Variants in CMIP observed in about 807,000 individuals in gnomAD.
The protein encoded by CMIP is C-Maf-inducing protein.
In CMIP, 13 loss-of-function variants were observed where a neutral mutation model predicts 97.3. The observed-to-expected ratio is 0.13, with a 90% CI of 0.09 to 0.21. The LOEUF (loss-of-function observed/expected upper bound fraction) is 0.21, where lower values mean the gene tolerates loss of function less well. CMIP is among the 10% of genes least tolerant of loss of function. CMIP has a pLI of 1.00. For missense variants in CMIP, 847 were observed against 1,024.9 expected (o/e 0.83, Z 2.37); for synonymous variants, 538 against 436.3 (o/e 1.23, Z -2.91).
At chr16:81,472,045 T>C (rs1274474192) in intron 1 of CMIP, among the ~76,000 whole-genome samples, 1 of 152,220 alleles carries the variant, frequency 6.6e-6, no homozygotes, top group Non-Finnish European at 1.5e-5. Context: ...GACATGTACA[T>C]GCATATGCAC....
At chr16:81,697,067 C>T (rs1906816559) in intron 14 of CMIP, 1 of 228,362 alleles carries the variant, frequency 4.4e-6, no homozygotes, top group Non-Finnish European at 8.7e-6. Flanking sequence ...GAAGGCACTG[C>T]AGGTCCACCA....
intron 3 of CMIP, chr16:81,645,261 T>G (rs1488714379): frequency 2.7e-6 from 2 of 727,922 alleles, no homozygotes; most frequent in Non-Finnish European, 3.8e-6. Flanking sequence ...TGGCTCATAT[T>G]TCCCTGTGGG....
Position 81,616,520 on chromosome 16 carries a change from G to A in CMIP, c.427-4356G>A, listed in dbSNP as rs142837842. ...GCACCCGTGGTCTGTGGTTGGTAGT[G>A]ACATGCGTCATCGCACTTAGTTCGC... On this transcript the variant is annotated intron_variant, in intron 2 of 20. Transcript: ENST00000537098. This position sits in a 1 kb window ranked among gnomAD's most constrained non-coding sequence, Gnocchi z 4.7. Among the ~76,000 whole-genome samples the A allele has an allele frequency of 1.9e-4, 29 of 152,360 alleles. No individual in the cohort carries two copies. The East Asian group carries it at 5.6e-3, about 29-fold the overall frequency.
At chr16:81,600,939 C>G (rs1055431387) in intron 1 of CMIP, among the ~76,000 whole-genome samples, 1 of 152,160 alleles carries the variant, frequency 6.6e-6, no homozygotes, top group African/African-American at 2.4e-5. Flanking sequence ...TTTGGGGCCC[C>G]AGGGTGTGTG....
rs61575931 is a variant in CMIP, at chr16:81,661,035, A to G, written c.744+89A>G. ...GGATTGGGTTTGCACAGAAAGGCCA[A>G]AAACCTGGGCCCCACCGTCTTGGGT... is the stretch of plus-strand genomic sequence containing the variant. On this transcript the variant is annotated intron_variant, in intron 6 of 20. Coordinates refer to ENST00000537098, the MANE Select transcript of CMIP (RefSeq NM_198390.3). 4.4e-3 allele frequency: 6,685 copies of G among 1,522,312 alleles called. 242 individuals are homozygous for G. In the African/African-American group the frequency reaches 0.08, roughly 18 times the overall value. The allele number at this position is 1,522,312 out of a possible 1,614,324, so 94.3% of individuals were successfully genotyped here.
intron 1 of CMIP, among the ~76,000 whole-genome samples, chr16:81,477,164 C>CT (rs970525007): frequency 5.3e-5 from 8 of 151,192 alleles, no homozygotes; most frequent in Middle Eastern, 3.4e-3. Context: ...GCCCTGAACT[C>CT]TTTTTTTTTG....
intron 1 of CMIP, among the ~76,000 whole-genome samples, chr16:81,600,285 A>G (rs2091636735): frequency 6.6e-6 from 1 of 151,706 alleles, no homozygotes; most frequent in Non-Finnish European, 1.5e-5. Flanking sequence ...GAAAAAAAAA[A>G]AAAAAAAAAA....
chr16:81,672,793 G>A (rs1478163600), intron 9 of CMIP, among the ~76,000 whole-genome samples: 4 of 152,160 alleles, frequency 2.6e-5, no homozygotes, highest in Admixed American at 2.6e-4. Flanking sequence ...ACCCAGGCTA[G>A]TCTCAAACTC....
chr16:81,654,515 C>T (rs1266419559), intron 4 of CMIP, among the ~76,000 whole-genome samples: 1 of 152,166 alleles, frequency 6.6e-6, no homozygotes, highest in Non-Finnish European at 1.5e-5. Flanking sequence ...GCTACTGTGT[C>T]AGGCAAGGAG....
intron 1 of CMIP, among the ~76,000 whole-genome samples, chr16:81,481,715 G>A (rs140844911): frequency 7.2e-5 from 11 of 152,234 alleles, no homozygotes; most frequent in South Asian, 6.2e-4. Flanking sequence ...AGTGAGTCTC[G>A]TAGGGGCTAA....
In CMIP at chr16:81,539,065, C is replaced by T. The variant is rs115184350; in HGVS notation, c.301-68502C>T. On this transcript the variant is annotated intron_variant, in intron 1 of 20. Coordinates refer to ENST00000537098, the MANE Select transcript of CMIP (RefSeq NM_198390.3). ...CGAGGAAGAGCACACACCGATGGGC[C>T]GATTACCCTGAATTCAGGCAGCTCA... is the stretch of plus-strand genomic sequence containing the variant. Among the ~76,000 whole-genome samples, 729 of 152,160 alleles carry T rather than the reference C, an allele frequency of 4.8e-3. 4 individuals are homozygous for T. The highest frequency in any genetic ancestry group is 0.017 in the African/African-American group (692 of 41,502).
intron 1 of CMIP, among the ~76,000 whole-genome samples, chr16:81,490,900 C>CTT (rs1452920044): frequency 6.6e-6 from 1 of 152,166 alleles, no homozygotes; most frequent in Non-Finnish European, 1.5e-5. Flanking sequence ...AGAATACACA[C>CTT]TTTCTCCTTT....
chr16:81,577,177 TATCACC>T (rs1462261464), intron 1 of CMIP, among the ~76,000 whole-genome samples: 1 of 140,582 alleles, frequency 7.1e-6, no homozygotes, highest in Non-Finnish European at 1.5e-5. Flanking sequence ...TTATTATCAC[TATCACC>T]ATCACCATCA....
At position 81,666,667 on chromosome 16, in the gene CMIP, C is replaced by T. The variant is rs1404803192; in HGVS notation, c.825+2318C>T. ...AAGTGATCCCAGGTGTCTGGGGATG[C>T]TTTAACGCACCCAGATCCCACCTTG... On this transcript the variant is annotated intron_variant, in intron 7 of 20. Transcript: ENST00000537098. 2.0e-5 allele frequency: 3 copies of T among 152,156 alleles called. No homozygotes were observed. In the East Asian group the frequency reaches 5.8e-4, roughly 29 times the overall value. The allele number at this position is 152,156 out of a possible 1,614,324, so 9.4% of individuals were successfully genotyped here.
At chr16:81,466,736 G>A (rs576864063) in intron 1 of CMIP, among the ~76,000 whole-genome samples, 1 of 152,186 alleles carries the variant, frequency 6.6e-6, no homozygotes, top group Non-Finnish European at 1.5e-5. Flanking sequence ...GACCATGGGG[G>A]GCTTAGCACA....
chr16:81,566,477 C>T (rs1044824836), intron 1 of CMIP, among the ~76,000 whole-genome samples: 12 of 152,192 alleles, frequency 7.9e-5, no homozygotes, highest in Non-Finnish European at 1.2e-4. Context: ...GCTGGAGCCA[C>T]GCACAACTGG....
chr16:81,525,618 C>T (rs2090116151), intron 1 of CMIP, among the ~76,000 whole-genome samples: 1 of 152,196 alleles, frequency 6.6e-6, no homozygotes, highest in South Asian at 2.1e-4. Flanking sequence ...GCTGGGAGTA[C>T]AGATGTGTGC....
intron 3 of CMIP, among the ~76,000 whole-genome samples, chr16:81,648,417 C>T (rs926678442): frequency 6.6e-6 from 1 of 152,130 alleles, no homozygotes; most frequent in Non-Finnish European, 1.5e-5. Flanking sequence ...CCATGAACAC[C>T]TGTGACCCTG....
intron 1 of CMIP, among the ~76,000 whole-genome samples, chr16:81,530,232 C>T (rs1337951541): frequency 1.3e-5 from 2 of 152,204 alleles, no homozygotes; most frequent in African/African-American, 4.8e-5. Context: ...TATGAGGCTC[C>T]AGCCTTCTTA....
Sources: gnomAD v4.1 joint callset for allele counts (sites outside exome capture counted in the v4.1 genomes callset) on GRCh38, gnomAD v4.1.1 for gene constraint, Gnocchi (gnomAD v3.1) non-coding constraint, MANE v1.5 for transcripts, NCBI Gene and HGNC (gene_info 2026-07-23, HGNC 2026-07-21) for gene names.